Variants in DNAH14 observed in about 807,000 individuals in gnomAD.
The protein encoded by DNAH14 is axonemal beta dynein heavy chain 14.
In DNAH14, 478 loss-of-function variants were observed where a neutral mutation model predicts 520.9. That is an observed-to-expected ratio of 0.92 (90% CI 0.85 to 0.99). The LOEUF (loss-of-function observed/expected upper bound fraction) is 0.99. Ranked by LOEUF, DNAH14 falls within the 50% of genes least tolerant of loss-of-function variation. DNAH14 has a pLI of 0.00. For missense variants in DNAH14, 4,831 were observed against 5,234.5 expected (o/e 0.92, Z 2.38); for synonymous variants, 1,581 against 1,757.2 (o/e 0.90, Z 2.51).
intron 6 of DNAH14, chr1:224,967,796 TAAA>T: frequency 7.0e-7 from 1 of 1,421,618 alleles, no homozygotes. Context: ...TCAACTTTAA[TAAA>T]TTTTTTCATC....
intron 7 of DNAH14, among the ~76,000 whole-genome samples, 156 bp from the exon 8 acceptor site, chr1:224,973,935 A>G (rs2061652442): frequency 6.6e-6 from 1 of 152,132 alleles, no homozygotes; most frequent in Non-Finnish European, 1.5e-5. Flanking sequence ...ATAGTTTGGG[A>G]GAAAATTTAT....
At chr1:225,395,071 A>G (rs142566893) in intron 84 of DNAH14, among the ~76,000 whole-genome samples, 4 of 152,316 alleles carry the variant, frequency 2.6e-5, no homozygotes, top group Admixed American at 1.3e-4. Flanking sequence ...GGTGGAGTAC[A>G]TAGAACTATC....
chr1:225,193,001 C>T (rs766806347), intron 38 of DNAH14, 90 bp downstream of exon 38: 1 of 951,384 alleles, frequency 1.1e-6, no homozygotes. Flanking sequence ...CATCATTAGA[C>T]ATCTATTAGT....
At chr1:225,032,782 A>T (rs2449309) in intron 11 of DNAH14, among the ~76,000 whole-genome samples, 138,225 of 152,208 alleles carry the variant, frequency 0.91, 64,196 homozygotes, top group East Asian at 1. Context: ...TTCTGACTGG[A>T]GTGAGATGGT....
rs571257721 is a variant in DNAH14, at chr1:225,284,001, A to G, written c.8272-5884A>G. Among the ~76,000 whole-genome samples the G allele has an allele frequency of 6.6e-5, 10 of 152,266 alleles. No homozygotes were observed. The South Asian group carries it at 1.7e-3, about 25-fold the overall frequency. ...ACATGGAAACAAACAAAAACATAAT[A>G]TAAAGATGTTCTTTAAGAGAAATCT... On this transcript the variant is annotated intron_variant, in intron 54 of 85. Transcript: ENST00000682510.
At chr1:225,353,482 T>C (rs186726769) in intron 72 of DNAH14, among the ~76,000 whole-genome samples, 48 of 152,292 alleles carry the variant, frequency 3.2e-4, no homozygotes, top group African/African-American at 1.2e-3. Context: ...GAACAGGTTA[T>C]GATGTGTTGG....
chr1:225,349,653 C>G (rs1319463248), intron 71 of DNAH14, among the ~76,000 whole-genome samples: 1 of 151,924 alleles, frequency 6.6e-6, no homozygotes, highest in Non-Finnish European at 1.5e-5. Context: ...AGTGGTTGTA[C>G]TAATATCAGA....
intron 60 of DNAH14, among the ~76,000 whole-genome samples, chr1:225,314,434 A>C (rs1399704410): frequency 1.3e-5 from 2 of 152,204 alleles, no homozygotes; most frequent in African/African-American, 2.4e-5. Context: ...GCCCATTTAC[A>C]TTTAAAGTTA....
chr1:225,169,674 T>C (rs1319387671), intron 36 of DNAH14, among the ~76,000 whole-genome samples: 1 of 152,224 alleles, frequency 6.6e-6, no homozygotes, highest in East Asian at 1.9e-4. Flanking sequence ...ATGGGGAGAA[T>C]GGAACCAAGT....
intron 73 of DNAH14, among the ~76,000 whole-genome samples, chr1:225,355,268 TTTTTA>T (rs1470070907): frequency 2.0e-5 from 3 of 152,122 alleles, no homozygotes; most frequent in African/African-American, 7.2e-5. Flanking sequence ...TTTCTTTCTT[TTTTTA>T]TTTTATTTTT....
intron 53 of DNAH14, among the ~76,000 whole-genome samples, 165 bp downstream of exon 53, chr1:225,276,246 CA>C (rs2093466071): frequency 6.6e-6 from 1 of 152,008 alleles, no homozygotes; most frequent in South Asian, 2.1e-4. Flanking sequence ...AGGGAGAGAT[CA>C]GGGGAAAATG....
intron 8 of DNAH14, among the ~76,000 whole-genome samples, chr1:224,983,500 C>G (rs1417077651): frequency 6.6e-6 from 1 of 152,084 alleles, no homozygotes; most frequent in Non-Finnish European, 1.5e-5. Context: ...GACAAGGATG[C>G]CCACTCTCAT....
At chr1:224,930,282 T>C (rs539781980) in intron 1 of DNAH14, among the ~76,000 whole-genome samples, 2 of 152,192 alleles carry the variant, frequency 1.3e-5, no homozygotes, top group Non-Finnish European at 2.9e-5. Context: ...TGTAGAGATA[T>C]AACTTTTCTA....
chr1:225,006,908 T>C (rs2147851436), intron 9 of DNAH14, among the ~76,000 whole-genome samples: 1 of 152,332 alleles, frequency 6.6e-6, no homozygotes, highest in South Asian at 2.1e-4. Flanking sequence ...TGCCGATATG[T>C]GATGTCACCC....
intron 36 of DNAH14, among the ~76,000 whole-genome samples, chr1:225,176,861 A>T (rs933877031): frequency 1.8e-4 from 27 of 152,200 alleles, no homozygotes; most frequent in Non-Finnish European, 4.4e-5. Flanking sequence ...AGTCTTGGGT[A>T]TGTCTCTATC....
At chr1:225,255,952 C>G (rs2092717604) in intron 44 of DNAH14, among the ~76,000 whole-genome samples, 1 of 152,050 alleles carries the variant, frequency 6.6e-6, no homozygotes, top group Non-Finnish European at 1.5e-5. Context: ...AGAATAACAA[C>G]AGAGTCTACT....
intron 27 of DNAH14, among the ~76,000 whole-genome samples, chr1:225,129,639 C>G (rs1309018125): frequency 1.2e-4 from 19 of 152,038 alleles, no homozygotes; most frequent in Admixed American, 2.0e-4. Flanking sequence ...AACTGGATCC[C>G]TTCCTTACAC....
intron 49 of DNAH14, among the ~76,000 whole-genome samples, chr1:225,268,367 A>G (rs1439986456): frequency 6.6e-6 from 1 of 152,222 alleles, no homozygotes; most frequent in African/African-American, 2.4e-5. Flanking sequence ...CTCACAGCCA[A>G]TATCATACTG....
chr1:225,066,726 C>T (rs529510391), intron 17 of DNAH14, among the ~76,000 whole-genome samples: 1 of 152,144 alleles, frequency 6.6e-6, no homozygotes, highest in South Asian at 2.1e-4. Context: ...TTAGCTCCCA[C>T]TTATAAGTGA....
Sources: gnomAD v4.1 joint callset for allele counts (sites outside exome capture counted in the v4.1 genomes callset) on GRCh38, gnomAD v4.1.1 for gene constraint, MANE v1.5 for transcripts, NCBI Gene and HGNC (gene_info 2026-07-23, HGNC 2026-07-21) for gene names.